DPP4: variants seen among roughly 807,000 people sequenced by gnomAD.
The protein encoded by DPP4 is dipeptidyl peptidase 4.
In DPP4, 93 loss-of-function variants were observed where a neutral mutation model predicts 122.4. The ratio of observed to expected loss-of-function variants is 0.76; its 90% CI spans 0.64 to 0.90. The LOEUF is 0.90. Among genes scored for constraint, DPP4 ranks in the 40% least tolerant of loss-of-function variants. DPP4 has a pLI of 0.00. For synonymous variants in DPP4, 321 were observed against 302.9 expected, an observed-to-expected ratio of 1.06 and a Z score of -0.62; for missense variants, 914 against 907.3, an observed-to-expected ratio of 1.01 and a Z score of -0.09.
Position 161,993,163 on chromosome 2 carries a change from T to C in DPP4, c.*120A>G, listed in dbSNP as rs754812702. ...TGAAATTTGGGAACAAAGGTAACCTTAAGTTTCTTGATTTGAGTGTGTATT... is the reference window on the plus strand; with the variant it reads ...TGAAATTTGGGAACAAAGGTAACCTCAAGTTTCTTGATTTGAGTGTGTATT... On this transcript the variant is annotated 3_prime_UTR_variant, in exon 26 of 26. Coordinates refer to ENST00000360534, the MANE Select transcript of DPP4 (RefSeq NM_001935.4). 9.0e-6 allele frequency: 7 copies of C among 781,078 alleles called. No homozygotes were observed. The highest frequency in any genetic ancestry group is 1.5e-5 in the Non-Finnish European group (7 of 474,572). The allele number at this position is 781,078 out of a possible 1,614,324, so 48.4% of individuals were successfully genotyped here.
intron 10 of DPP4, among the ~76,000 whole-genome samples, chr2:162,032,709 CAAAAA>C (rs113610682): frequency 1.5e-5 from 1 of 68,138 alleles, no homozygotes; most frequent in Admixed American, 1.5e-4. Flanking sequence ...ACAACAACAA[CAAAAA>C]AAAAAACAGC....
chr2:162,068,689 T>C (rs1000013870), intron 2 of DPP4, among the ~76,000 whole-genome samples: 2 of 152,176 alleles, frequency 1.3e-5, no homozygotes, highest in East Asian at 1.9e-4. Flanking sequence ...ATCCTAAGTA[T>C]AATTTAGTGC....
rs761320045 is a variant in DPP4 at position 161,993,340 on chromosome 2, G to T, written c.2244C>A (p.His748Gln). ...GGCTCATGTGGGTATATATATGTTG[G>T]TGTGCTGTGCTGCTAGCTATTCCAT... ...EDHGIASSTA[H>Q]QHIYTHMSHF... The change falls in exon 26 of 26, where the codon CAC (histidine) becomes CAA (glutamine). Residue 748 changes from histidine to glutamine, a missense_variant. Coordinates refer to ENST00000360534, the MANE Select transcript of DPP4 (RefSeq NM_001935.4). 6.2e-7 allele frequency: 1 copy of T among 1,613,734 alleles called. No homozygotes were observed. Among genetic ancestry groups the T allele is most frequent in the South Asian group, 1.1e-5 (1 of 91,066 alleles).
At chr2:162,050,013 G>C (rs945699589) in intron 2 of DPP4, among the ~76,000 whole-genome samples, 4 of 152,128 alleles carry the variant, frequency 2.6e-5, no homozygotes, top group African/African-American at 9.7e-5. Context: ...GTGTTTGCTA[G>C]TAGAAATATA....
chr2:162,068,003 A>G (rs1685005438), intron 2 of DPP4, among the ~76,000 whole-genome samples: 1 of 152,208 alleles, frequency 6.6e-6, no homozygotes. Context: ...AGATATTAAT[A>G]TATCTCTCTA....
intron 10 of DPP4, among the ~76,000 whole-genome samples, chr2:162,029,894 C>T (rs992021587): frequency 6.6e-6 from 1 of 152,152 alleles, no homozygotes; most frequent in African/African-American, 2.4e-5. Context: ...GTGCTGGCAG[C>T]GTGAACCACT....
At position 162,016,962 on chromosome 2, in the gene DPP4, A is replaced by C. The variant is rs549451133; in HGVS notation, c.1469-96T>G. ...AGCAAACATGAAATTCACTGATCGG[A>C]CTACACATACTTCAGGTTATAAGGC... is the stretch of plus-strand genomic sequence containing the variant. On this transcript the variant is annotated intron_variant, in intron 17 of 25. Transcript: ENST00000360534. The C allele has an allele frequency of 4.3e-6, 6 of 1,401,718 alleles. No homozygotes were observed. In the South Asian group the frequency reaches 5.1e-5, roughly 12 times the overall value. 86.8% of individuals were successfully genotyped at this position (1,401,718 alleles called of 1,614,324 possible). A position where few individuals can be genotyped will look rare whatever the true frequency, so the allele number is the denominator to read the frequency against.
intron 18 of DPP4, 52 bp downstream of exon 18, chr2:162,016,716 G>T: frequency 8.5e-7 from 1 of 1,179,802 alleles, no homozygotes; most frequent in Non-Finnish European, 1.2e-6. Flanking sequence ...ACTATAGTTA[G>T]AGTGCATTGG....
chr2:162,013,551 A>G (rs189217023), intron 19 of DPP4, among the ~76,000 whole-genome samples: 2 of 152,200 alleles, frequency 1.3e-5, no homozygotes, highest in African/African-American at 2.4e-5. Flanking sequence ...TGGTAACAAC[A>G]GAGACATTAT....
At chr2:162,027,900 T>C (rs1683390402) in intron 10 of DPP4, among the ~76,000 whole-genome samples, 3 of 152,092 alleles carry the variant, frequency 2.0e-5, no homozygotes, top group Admixed American at 2.0e-4. Flanking sequence ...TGGGTTACTC[T>C]CCATGACCCC....
intron 22 of DPP4, among the ~76,000 whole-genome samples, chr2:162,007,772 A>G (rs534154569): frequency 6.6e-6 from 1 of 152,334 alleles, no homozygotes; most frequent in East Asian, 1.9e-4. Flanking sequence ...ACAGAAAGAT[A>G]TAAATGTATT....
intron 8 of DPP4, among the ~76,000 whole-genome samples, chr2:162,036,098 C>A (rs540799697): frequency 6.6e-6 from 1 of 152,082 alleles, no homozygotes; most frequent in Non-Finnish European, 1.5e-5. Flanking sequence ...ATCACTGGCT[C>A]TTAATATGTT....
intron 17 of DPP4, 25 bp from the exon 18 acceptor site, chr2:162,016,891 T>C (rs1382902960): frequency 6.3e-7 from 1 of 1,586,882 alleles, no homozygotes; most frequent in Admixed American, 1.8e-5. Flanking sequence ...GAGACAGCAG[T>C]CATTCATTAC....
chr2:162,045,630 CAAA>C lies in DPP4; in HGVS notation c.286-21_286-19del. ...AACTCATCCTGTCAAACAAGAAGAA[CAAA>C]GAAAAATTGAACAATTCCATTTCAT... On this transcript the variant is annotated intron_variant, in intron 4 of 25. Transcript: ENST00000360534. The C allele has an allele frequency of 6.3e-7, 1 of 1,587,588 alleles. No individual in the cohort carries two copies. Among genetic ancestry groups the C allele is most frequent in the South Asian group, 1.1e-5 (1 of 90,426 alleles).
intron 22 of DPP4, among the ~76,000 whole-genome samples, chr2:162,008,235 C>T (rs1701333810): frequency 6.6e-6 from 1 of 152,110 alleles, no homozygotes; most frequent in Non-Finnish European, 1.5e-5. Flanking sequence ...ACTTCTCTCA[C>T]TCTGCTAATA....
Position 162,038,332 on chromosome 2 carries a change from A to C in DPP4, c.583T>G (p.Tyr195Asp), listed in dbSNP as rs916672362. 1 of 1,604,056 alleles carries C rather than the reference A, an allele frequency of 6.2e-7. No individual in the cohort carries two copies. Among genetic ancestry groups the C allele is most frequent in the Non-Finnish European group, 8.5e-7 (1 of 1,175,108 alleles). ...ITWTGKEDII[Y>D]NGITDWVYEE... ...TAAACCCAGTCAGTTATTCCATTAT[A>C]TATTATATCTTCTTTCCCCGTCCAT... Residue 195 changes from tyrosine to aspartate, a missense_variant, in exon 8 of 26, where the codon TAT (tyrosine) becomes GAT (aspartate). By Grantham distance (160) the Tyr-to-Asp change is radical. Transcript: ENST00000360534.
intron 2 of DPP4, among the ~76,000 whole-genome samples, chr2:162,063,034 G>A (rs936233936): frequency 6.6e-6 from 1 of 152,018 alleles, no homozygotes; most frequent in Admixed American, 6.6e-5. Context: ...AAGGGCAATT[G>A]TGTCTTTGAC....
Position 162,073,440 on chromosome 2 carries a change from A to G in DPP4, c.53T>C (p.Val18Ala), listed in dbSNP as rs1559730054. The change falls in exon 2 of 26, where the codon GTC becomes GCC. Residue 18 changes from valine to alanine, a missense_variant. Physicochemically the swap from Val to Ala is moderately conservative, Grantham distance 64 (BLOSUM62 0). Coordinates refer to ENST00000360534, the MANE Select transcript of DPP4 (RefSeq NM_001935.4). ...AACCACGGGCACGGTGATGATGGTG[A>G]CAAGCGCAGCAGCACCCAGCAGTCC... ...LLGLLGAAAL[V>A]TIITVPVVLL... 2 of 1,614,080 alleles carry G rather than the reference A, an allele frequency of 1.2e-6. No homozygotes were observed. The highest frequency in any genetic ancestry group is 1.3e-5 in the African/African-American group (1 of 75,030).
chr2:162,036,638 C>T (rs995303439), intron 8 of DPP4, among the ~76,000 whole-genome samples: 6 of 152,188 alleles, frequency 3.9e-5, no homozygotes, highest in African/African-American at 1.4e-4. Flanking sequence ...AGAAAACCTA[C>T]TTCCGGGTTA....
Sources: gnomAD v4.1 joint callset for allele counts (sites outside exome capture counted in the v4.1 genomes callset) on GRCh38, gnomAD v4.1.1 for gene constraint, MANE v1.5 for transcripts, NCBI Gene and HGNC (gene_info 2026-07-23, HGNC 2026-07-21) for gene names.